The following PAH variants were observed in gnomAD, a reference collection of about 807,000 sequenced individuals.
PAH encodes the protein phenylalanine-4-hydroxylase.
PAH carries 64 observed loss-of-function variants against 62.0 expected under a neutral mutation model. That is an observed-to-expected ratio of 1.03 (90% CI 0.84 to 1.27). The LOEUF (loss-of-function observed/expected upper bound fraction) is 1.27, where lower values mean the gene tolerates loss of function less well. PAH is among the 50% of genes most tolerant of loss of function. PAH has a pLI of 0.00. For synonymous variants in PAH, 195 were observed against 196.2 expected (o/e 0.99, Z 0.05); for missense variants, 579 against 542.8 (o/e 1.07, Z -0.66).
chr12:102,928,987 C>T (rs1267066053), intron 1 of PAH, among the ~76,000 whole-genome samples: 4 of 152,140 alleles, frequency 2.6e-5, no homozygotes, highest in Non-Finnish European at 5.9e-5. Flanking sequence ...TTCTCATGCC[C>T]CCATGCTGCT....
rs759956741 is a variant in PAH, at chr12:102,917,089, T to C, written c.42A>G (p.Lys14=). The C allele has an allele frequency of 2.5e-6, 4 of 1,613,964 alleles. No homozygotes were observed. The highest frequency in any genetic ancestry group is 3.4e-6 in the Non-Finnish European group (4 of 1,180,006). The part of the protein sequence containing the change: ...AVLENPGLGR[K]LSDFGQETSY... ...GGCTCACCTGTCCAAAGTCAGAGAG[T>C]TTCCTGCCCAAGCCTGGGTTTTCCA... Residue 14 remains lysine, a synonymous_variant, in exon 1 of 13, where the codon AAA becomes AAG. Transcript: ENST00000553106.
chr12:102,886,864 C>T (rs548283391), intron 3 of PAH, among the ~76,000 whole-genome samples: 12 of 151,926 alleles, frequency 7.9e-5, no homozygotes, highest in Non-Finnish European at 1.5e-4. Flanking sequence ...GTGGCTGACA[C>T]CGAGTGGGCA....
In PAH at chr12:102,840,467, T is replaced by C; in HGVS notation, c.1248A>G (p.Pro416=). Reference sequence around the variant, plus strand: ...CCAAGACCTCAATCCTTTGGGTGTATGGGTCGTAGCGAACTGAGAAGGGCC... The same window carrying C: ...CCAAGACCTCAATCCTTTGGGTGTACGGGTCGTAGCGAACTGAGAAGGGCC... ...IPRPFSVRYD[P]YTQRIEVLDN... Residue 416 remains proline, a synonymous_variant, in exon 12 of 13, where the codon CCA becomes CCG. Coordinates refer to ENST00000553106, the MANE Select transcript of PAH (RefSeq NM_000277.3). 9 of 1,613,992 alleles carry C rather than the reference T, an allele frequency of 5.6e-6. No homozygotes were observed. The highest frequency in any genetic ancestry group is 7.6e-6 in the Non-Finnish European group (9 of 1,179,930).
At chr12:102,859,721 A>G (rs574485536) in intron 5 of PAH, among the ~76,000 whole-genome samples, 16 of 152,332 alleles carry the variant, frequency 1.1e-4, no homozygotes, top group Non-Finnish European at 1.9e-4. Context: ...AAAGACAAAA[A>G]CCACATGATT....
At chr12:102,874,949 A>G (rs1404958452) in intron 4 of PAH, among the ~76,000 whole-genome samples, 1 of 152,232 alleles carries the variant, frequency 6.6e-6, no homozygotes, top group Non-Finnish European at 1.5e-5. Context: ...GCAACGGGAC[A>G]GAGAGAACAG....
At chr12:102,928,517 A>T (rs1440827311) in intron 1 of PAH, among the ~76,000 whole-genome samples, 1 of 152,114 alleles carries the variant, frequency 6.6e-6, no homozygotes, top group Non-Finnish European at 1.5e-5. Context: ...GTTTAGTGGA[A>T]GGGGCGTGGT....
chr12:102,917,291 C>G (rs1878424718), upstream of PAH: 1 of 695,688 alleles, frequency 1.4e-6, no homozygotes, highest in South Asian at 1.6e-5. Flanking sequence ...AGTAACGCCC[C>G]TCGTGGGCGT....
intron 1 of PAH, among the ~76,000 whole-genome samples, chr12:102,930,164 A>T (rs557160869): frequency 2.4e-4 from 36 of 152,332 alleles, no homozygotes; most frequent in African/African-American, 8.4e-4. Context: ...AAAGTCACAC[A>T]GGCTATCTGA....
chr12:102,949,009 CTGCAGTT>C (rs1345890719), intron 1 of PAH, among the ~76,000 whole-genome samples: 2 of 152,112 alleles, frequency 1.3e-5, no homozygotes, highest in African/African-American at 4.8e-5. Flanking sequence ...GCAGTCCCAG[CTGCAGTT>C]TGCGAAATAA....
rs62514955 is a variant in PAH at position 102,852,813 on chromosome 12, A to T, written c.842+2T>A. On this transcript the variant is annotated splice_donor_variant, in intron 7 of 12. Coordinates refer to ENST00000553106, the MANE Select transcript of PAH (RefSeq NM_000277.3). LOFTEE classifies it high-confidence loss of function. ...AACTGGTAGCTGGAGGACAGTACTC[A>T]CGGTTCGGGGGTATACATGGGCTTG... 6.2e-7 allele frequency: 1 copy of T among 1,613,996 alleles called. No homozygotes were observed. The highest frequency in any genetic ancestry group is 2.2e-5 in the East Asian group (1 of 44,878).
chr12:102,943,400 A>C (rs775435411), intron 1 of PAH, among the ~76,000 whole-genome samples: 3 of 152,212 alleles, frequency 2.0e-5, no homozygotes, highest in Non-Finnish European at 4.4e-5. Flanking sequence ...AATGGCGATC[A>C]TGAAAAAATA....
upstream of PAH, among the ~76,000 whole-genome samples, chr12:102,951,804 T>A (rs1879770619): frequency 6.6e-6 from 1 of 150,478 alleles, no homozygotes; most frequent in African/African-American, 2.4e-5. Flanking sequence ...CCCTCCTTCT[T>A]CTCATTTGAG....
At chr12:102,926,399 C>T (rs191202127) in intron 1 of PAH, among the ~76,000 whole-genome samples, 3 of 151,808 alleles carry the variant, frequency 2.0e-5, no homozygotes, top group Admixed American at 6.6e-5. Flanking sequence ...GAGGAGCATA[C>T]ATAAGCCAGT....
At chr12:102,859,620 C>G (rs537937636) in intron 5 of PAH, among the ~76,000 whole-genome samples, 1 of 152,328 alleles carries the variant, frequency 6.6e-6, no homozygotes, top group Non-Finnish European at 1.5e-5. Context: ...AAAAGCTTAT[C>G]CACCACGATC....
At chr12:102,904,885 T>C in intron 2 of PAH, 1 of 226,278 alleles carries the variant, frequency 4.4e-6, no homozygotes. Flanking sequence ...ACCCCAGCTC[T>C]TATTGCTCAT....
At chr12:102,948,250 A>G (rs555604105) in intron 1 of PAH, among the ~76,000 whole-genome samples, 16 of 152,288 alleles carry the variant, frequency 1.1e-4, no homozygotes, top group African/African-American at 3.9e-4. Flanking sequence ...GGGGGAGACC[A>G]GATTGGAAGA....
upstream of PAH, chr12:102,953,963 C>T (rs755349042): frequency 2.0e-5 from 3 of 152,274 alleles, no homozygotes; most frequent in Non-Finnish European, 2.9e-5. Context: ...GTACTACCAC[C>T]TCATTTATGA....
At chr12:102,854,293 T>C (rs186636185) in intron 6 of PAH, among the ~76,000 whole-genome samples, 185 of 152,298 alleles carry the variant, frequency 1.2e-3, no homozygotes, top group Admixed American at 5.8e-3. Flanking sequence ...TCTGCACAGC[T>C]CTGATATATA....
chr12:102,901,977 A>G (rs1877778691), intron 2 of PAH, among the ~76,000 whole-genome samples: 1 of 152,252 alleles, frequency 6.6e-6, no homozygotes, highest in Non-Finnish European at 1.5e-5. Flanking sequence ...ATGGTAAATA[A>G]GTAAAATATA....
Sources: gnomAD v4.1 joint callset for allele counts (sites outside exome capture counted in the v4.1 genomes callset) on GRCh38, gnomAD v4.1.1 for gene constraint, MANE v1.5 for transcripts, NCBI Gene and HGNC (gene_info 2026-07-23, HGNC 2026-07-21) for gene names.